The following BCL9L variants were observed in gnomAD, a reference collection of about 807,000 sequenced individuals.
BCL9L encodes B-cell CLL/lymphoma 9-like protein.
Under a neutral mutation model 99.4 loss-of-function variants are expected in BCL9L, and 19 were observed. The observed-to-expected ratio is 0.19, with a 90% CI of 0.13 to 0.28. The LOEUF is 0.28. BCL9L is among the 10% of genes least tolerant of loss of function. BCL9L has a pLI of 1.00. For missense variants in BCL9L, 2,023 were observed against 2,101.6 expected (o/e 0.96, Z 0.73); for synonymous variants, 900 against 854.8 (o/e 1.05, Z -0.92).
At chr11:118,907,356 G>A (rs1940565933) in intron 5 of BCL9L, 127 bp downstream of exon 5, 1 of 1,486,510 alleles carries the variant, frequency 6.7e-7, no homozygotes, top group African/African-American at 1.4e-5. Flanking sequence ...GACAGAGTCT[G>A]AGAGGTAGGA....
Position 118,898,321 on chromosome 11 carries a change from C to CCCCCCCCCCCCCCCA in BCL9L, c.*93_*94insTGGGGGGGGGGGGGG. 2 of 1,167,840 alleles carry CCCCCCCCCCCCCCCA rather than the reference C, an allele frequency of 1.7e-6. No individual in the cohort carries two copies. The highest frequency in any genetic ancestry group is 1.2e-6 in the Non-Finnish European group (1 of 868,308). The allele number at this position is 1,167,840 out of a possible 1,614,324, so 72.3% of individuals were successfully genotyped here. A position where few individuals can be genotyped will look rare whatever the true frequency, so the allele number is the denominator to read the frequency against. Reference sequence around the variant, plus strand: ...CCCCTCCCACCCCCTCCACCCCACCCCGCGACCCAGGCCATCCCAACATTG... The same window carrying CCCCCCCCCCCCCCCA: ...CCCCTCCCACCCCCTCCACCCCACCCCCCCCCCCCCCCCCACGCGACCCAGGCCATCCCAACATTG... On this transcript the variant is annotated 3_prime_UTR_variant, in exon 10 of 10. Transcript: ENST00000683865.
At position 118,903,262 on chromosome 11, in the gene BCL9L, A is replaced by G; in HGVS notation, c.723T>C (p.Tyr241=). Residue 241 remains tyrosine (Y), a synonymous_variant, in exon 6 of 10, where the codon TAT becomes TAC. Transcript: ENST00000683865. This position sits in a 1 kb window ranked among gnomAD's most constrained non-coding sequence, Gnocchi z 5.6. ...TGTTGGCCAGGTGGGTGGTGAAGAC[A>G]TATACGAACTGCGAGGGAGGCTTTC... The part of the protein sequence containing the change: ...VPGKPPSQFV[Y]VFTTHLANTA... 1 of 1,588,880 alleles carries G rather than the reference A, an allele frequency of 6.3e-7. No individual in the cohort carries two copies. The highest frequency in any genetic ancestry group is 1.3e-5 in the African/African-American group (1 of 74,790).
intron 2 of BCL9L, among the ~76,000 whole-genome samples, chr11:118,918,301 G>T (rs1297974872): frequency 6.6e-6 from 1 of 152,098 alleles, no homozygotes; most frequent in Non-Finnish European, 1.5e-5. Flanking sequence ...CTGTGTGTCT[G>T]TGTGTGTACA....
At chr11:118,910,067 A>T in intron 2 of BCL9L, 52 bp from the exon 3 acceptor site, 11 of 1,275,796 alleles carry the variant, frequency 8.6e-6, no homozygotes, top group Non-Finnish European at 1.2e-5. Flanking sequence ...AGGGGGTGTC[A>T]GAGGGGGAGG....
rs1408228683 is a variant in BCL9L, at chr11:118,902,334, T to C, written c.1409A>G (p.Gln470Arg). Residue 470 changes from glutamine to arginine, a missense_variant, in exon 8 of 10, where the codon CAG (glutamine) becomes CGG (arginine). Physicochemically the swap from Gln to Arg is conservative, Grantham distance 43. Around this residue, in one of 3 missense-constraint regions of BCL9L, gnomAD observed 1,116 missense variants for 1,194.6 expected, o/e 0.93. Transcript: ENST00000683865. The surrounding 1 kb of genome is among the most constrained non-coding windows in gnomAD (Gnocchi z 7.8). ...GCTCTGTGTCTGTGAAATCATGGAC[T>C]GCAAGGGTTCCTCATATTTCTTCAG... The part of the protein sequence containing the change: ...SGLKKYEEPL[Q>R]SMISQTQSLG... 1.3e-6 allele frequency: 2 copies of C among 1,536,248 alleles called. No individual in the cohort carries two copies. The highest frequency in any genetic ancestry group is 8.8e-7 in the Non-Finnish European group (1 of 1,142,588).
Position 118,900,843 on chromosome 11 carries a change from G to C in BCL9L, c.2900C>G (p.Ala967Gly). The C allele has an allele frequency of 6.2e-7, 1 of 1,612,954 alleles. No individual in the cohort carries two copies. The highest frequency in any genetic ancestry group is 8.5e-7 in the Non-Finnish European group (1 of 1,179,256). ...CGACTTGAGAGGTCCTGGCGGGTTGGCAGAAGGCAAGGGCACCATCTGTGA... is the reference window on the plus strand; with the variant it reads ...CGACTTGAGAGGTCCTGGCGGGTTGCCAGAAGGCAAGGGCACCATCTGTGA... ...TPSQMVPLPS[A>G]NPPGPLKSPQ... The change falls in exon 8 of 10, where the codon GCC (alanine) becomes GGC (glycine). Residue 967 changes from alanine to glycine, a missense_variant. Physicochemically the swap from Ala to Gly is moderately conservative, Grantham distance 60 (BLOSUM62 0). Coordinates refer to ENST00000683865, the MANE Select transcript of BCL9L (RefSeq NM_001378213.1). The surrounding 1 kb of genome is among the most constrained non-coding windows in gnomAD (Gnocchi z 5.3).
At chr11:118,920,865 G>A (rs1456937011) in intron 1 of BCL9L, among the ~76,000 whole-genome samples, 1 of 152,202 alleles carries the variant, frequency 6.6e-6, no homozygotes, top group Non-Finnish European at 1.5e-5. Context: ...CCCTATCAAA[G>A]GGCAGAGGAC....
chr11:118,901,105 T>C lies in BCL9L; in HGVS notation c.2638A>G (p.Ser880Gly), dbSNP rs764978787. The change falls in exon 8 of 10, where the codon AGC becomes GGC. Residue 880 changes from serine (S) to glycine (G), a missense_variant. Physicochemically the swap from Ser to Gly is moderately conservative, Grantham distance 56. This residue lies in a region of BCL9L where 902 missense variants were observed against 888.2 expected (regional missense o/e 1.02). Coordinates refer to ENST00000683865, the MANE Select transcript of BCL9L (RefSeq NM_001378213.1). The surrounding 1 kb of genome is among the most constrained non-coding windows in gnomAD (Gnocchi z 6.6). ...FSPDQSSMPM[S>G]NVGTTRLSHM... ...CTGAGCCGGGTGGTGCCCACGTTGC[T>C]CATGGGCATTGAGCTCTGATCAGGG... 1 of 1,610,152 alleles carries C rather than the reference T, an allele frequency of 6.2e-7. No individual in the cohort carries two copies. Among genetic ancestry groups the C allele is most frequent in the Non-Finnish European group, 8.5e-7 (1 of 1,177,392 alleles).
Position 118,922,149 on chromosome 11 carries a change from AGGAGGGGAG to A in BCL9L, c.-131+3080_-131+3088del. ...AGGGAAAGTCAGGCTGAGTTCTCCC[AGGAGGGGAG>A]GGAGGGGAGGTCAGGCCAGGCTGGG... On this transcript the variant is annotated intron_variant, in intron 1 of 9. Transcript: ENST00000683865. This position sits in a 1 kb window ranked among gnomAD's most constrained non-coding sequence, Gnocchi z 6.2. 6.6e-6 allele frequency among the ~76,000 whole-genome samples: 1 copy of A among 152,080 alleles called. No homozygotes were observed. The highest frequency in any genetic ancestry group is 1.5e-5 in the Non-Finnish European group (1 of 67,908).
chr11:118,905,239 T>TGGCTTAC (rs1938797930), intron 5 of BCL9L, among the ~76,000 whole-genome samples: 1 of 152,160 alleles, frequency 6.6e-6, no homozygotes. Flanking sequence ...CCGGGCACGG[T>TGGCTTAC]GGCTTATGCC....
At position 118,906,874 on chromosome 11, in the gene BCL9L, T is replaced by G. The variant is rs1591987783; in HGVS notation, c.532+609A>C. 2.0e-5 allele frequency among the ~76,000 whole-genome samples: 3 copies of G among 152,204 alleles called. No homozygotes were observed. In the East Asian group the frequency reaches 5.8e-4, roughly 29 times the overall value. On this transcript the variant is annotated intron_variant, in intron 5 of 9. Transcript: ENST00000683865. ...CCTCAAAAAGATGTAAACGTAAACT[T>G]TGAGGGAAAAAAAATATGTACAAGC...
In BCL9L at chr11:118,899,022, A is replaced by G; in HGVS notation, c.3893T>C (p.Leu1298Pro). The G allele has an allele frequency of 1.2e-6, 2 of 1,613,624 alleles. No individual in the cohort carries two copies. Among genetic ancestry groups the G allele is most frequent in the Admixed American group, 1.7e-5 (1 of 60,006 alleles). The change falls in exon 10 of 10, where the codon CTC becomes CCC. Residue 1298 changes from leucine to proline, a missense_variant. Around this residue, in one of 3 missense-constraint regions of BCL9L, gnomAD observed 902 missense variants for 888.2 expected, o/e 1.02. Transcript: ENST00000683865. ...RMGDAYPPGV[L>P]PGVASVLNDP... ...GTTCAGCACTGATGCCACCCCAGGGAGCACACCCGGTGGGTATGCGTCGCC... is the reference window on the plus strand; with the variant it reads ...GTTCAGCACTGATGCCACCCCAGGGGGCACACCCGGTGGGTATGCGTCGCC...
At chr11:118,908,699 G>A (rs762014015) in intron 3 of BCL9L, 44 bp from the exon 4 acceptor site, 20 of 1,544,906 alleles carry the variant, frequency 1.3e-5, no homozygotes, top group African/African-American at 8.2e-5. Flanking sequence ...CCTTGCTAGG[G>A]GCTAGGCATG....
At chr11:118,923,294 C>T (rs1390413471) in intron 1 of BCL9L, among the ~76,000 whole-genome samples, 1 of 152,150 alleles carries the variant, frequency 6.6e-6, no homozygotes, top group African/African-American at 2.4e-5. Context: ...CCGACACTGC[C>T]ACCCCCTAGG....
chr11:118,905,710 G>C (rs547962697), intron 5 of BCL9L, among the ~76,000 whole-genome samples: 1 of 151,742 alleles, frequency 6.6e-6, no homozygotes, highest in African/African-American at 2.4e-5. Context: ...CCAGCTACTC[G>C]GGAGGCTGAG....
chr11:118,900,569 G>T lies in BCL9L; in HGVS notation c.3124+50C>A. 1 of 1,553,062 alleles carries T rather than the reference G, an allele frequency of 6.4e-7. No homozygotes were observed. ...TGCCCAGCCCCAGCATGGACACACT[G>T]CTCAGCGCCTGCCTGCCTGCCTGCC... is the stretch of plus-strand genomic sequence containing the variant. On this transcript the variant is annotated intron_variant, in intron 8 of 9. Transcript: ENST00000683865. This position sits in a 1 kb window ranked among gnomAD's most constrained non-coding sequence, Gnocchi z 5.3.
At chr11:118,917,960 C>G (rs995312881) in intron 2 of BCL9L, among the ~76,000 whole-genome samples, 7 of 152,298 alleles carry the variant, frequency 4.6e-5, no homozygotes, top group Admixed American at 3.9e-4. Flanking sequence ...GAGTCCCAGC[C>G]CTGCCCCCCA....
Position 118,922,543 on chromosome 11 carries a change from G to A in BCL9L, c.-131+2695C>T, listed in dbSNP as rs1057480530. Among the ~76,000 whole-genome samples, 17 of 152,128 alleles carry A rather than the reference G, an allele frequency of 1.1e-4. No homozygotes were observed. The highest frequency in any genetic ancestry group is 1.9e-4 in the East Asian group (1 of 5,180). ...ACATGCGGAGCTAGAGCAGCCAGGCGCTCAACAGGTTGAGCCAGTCCATGG... is the reference window on the plus strand; with the variant it reads ...ACATGCGGAGCTAGAGCAGCCAGGCACTCAACAGGTTGAGCCAGTCCATGG... On this transcript the variant is annotated intron_variant, in intron 1 of 9. Transcript: ENST00000683865. The surrounding 1 kb of genome is among the most constrained non-coding windows in gnomAD (Gnocchi z 6.2).
In BCL9L at chr11:118,902,060, C is replaced by A. The variant is rs373106202; in HGVS notation, c.1683G>T (p.Pro561=). 9 of 1,613,922 alleles carry A rather than the reference C, an allele frequency of 5.6e-6. No individual in the cohort carries two copies. Among genetic ancestry groups the A allele is most frequent in the Non-Finnish European group, 7.6e-6 (9 of 1,179,996 alleles). Reference sequence around the variant, plus strand: ...CCCCAGGCTTGCTGTGGTAAGGAGGCGGGGGCCCCCTCACCATCATGCCCC... The same window carrying A: ...CCCCAGGCTTGCTGTGGTAAGGAGGAGGGGGCCCCCTCACCATCATGCCCC... ...GMGGMMVRGP[P]PPYHSKPGDQ... Residue 561 remains proline (P), a synonymous_variant, in exon 8 of 10, where the codon CCG becomes CCT. Transcript: ENST00000683865. This position sits in a 1 kb window ranked among gnomAD's most constrained non-coding sequence, Gnocchi z 7.8.
Sources: allele counts gnomAD v4.1 joint callset (sites outside exome capture counted in the v4.1 genomes callset), GRCh38; gene constraint gnomAD v4.1.1; regional missense constraint gnomAD v4.1.1; non-coding constraint Gnocchi (gnomAD v3.1); transcripts MANE v1.5; gene names NCBI Gene and HGNC (gene_info 2026-07-23, HGNC 2026-07-21).